BCAS3: variants seen among roughly 807,000 people sequenced by gnomAD.
BCAS3 encodes BCAS4/BCAS3 fusion.
A neutral mutation model predicts 116.1 loss-of-function variants in BCAS3; 53 were observed. The observed-to-expected ratio is 0.46, with a 90% CI of 0.37 to 0.57. The LOEUF is 0.57. Among genes scored for constraint, BCAS3 ranks in the 20% least tolerant of loss-of-function variants. The pLI is 0.00. For synonymous variants in BCAS3, 391 were observed against 408.2 expected (o/e 0.96, Z 0.51); for missense variants, 917 against 1,165.4 (o/e 0.79, Z 3.10).
intron 6 of BCAS3, among the ~76,000 whole-genome samples, chr17:60,764,397 C>A (rs141455918): frequency 4.1e-3 from 617 of 152,274 alleles, no homozygotes; most frequent in Admixed American, 6.9e-3. Flanking sequence ...TATGTTGTGT[C>A]TTTGTTCTCA....
chr17:60,973,649 G>C (rs1010132137), intron 14 of BCAS3, among the ~76,000 whole-genome samples: 2 of 150,620 alleles, frequency 1.3e-5, no homozygotes, highest in African/African-American at 4.9e-5. Flanking sequence ...CTGGAGGTCA[G>C]TGGTGTAATC....
chr17:61,260,680 T>C (rs1166623484), intron 22 of BCAS3, among the ~76,000 whole-genome samples: 1 of 152,226 alleles, frequency 6.6e-6, no homozygotes, highest in East Asian at 1.9e-4. Flanking sequence ...GTCAGACAAC[T>C]GCAGCAGACT....
chr17:61,372,946 T>C (rs2059123320), intron 23 of BCAS3, among the ~76,000 whole-genome samples: 1 of 152,240 alleles, frequency 6.6e-6, no homozygotes, highest in Admixed American at 6.5e-5. Flanking sequence ...TAAACACCTG[T>C]GTACATATTA....
At chr17:60,687,033 C>T (rs947121378) in intron 3 of BCAS3, among the ~76,000 whole-genome samples, 3 of 152,096 alleles carry the variant, frequency 2.0e-5, no homozygotes, top group African/African-American at 4.8e-5. Flanking sequence ...AAATTATTTT[C>T]TCTATAGTGA....
At chr17:61,375,794 G>A (rs9899196) in intron 23 of BCAS3, among the ~76,000 whole-genome samples, 130,189 of 151,974 alleles carry the variant, frequency 0.86, 56,837 homozygotes, top group Non-Finnish European at 0.94. Context: ...GCTGATCTCA[G>A]ACTCCTGACC....
intron 23 of BCAS3, among the ~76,000 whole-genome samples, chr17:61,374,738 C>G (rs888607157): frequency 6.6e-6 from 1 of 152,232 alleles, no homozygotes; most frequent in African/African-American, 2.4e-5. Context: ...ACTTCCTGAC[C>G]TAGTTCACCC....
chr17:60,747,406 C>G (rs2042101891), intron 6 of BCAS3, 127 bp downstream of exon 6: 5 of 697,490 alleles, frequency 7.2e-6, no homozygotes, highest in Non-Finnish European at 9.7e-6. Context: ...CCTTCCCCAC[C>G]TCCCCCAAAG....
intron 22 of BCAS3, among the ~76,000 whole-genome samples, chr17:61,138,593 T>C (rs1277125403): frequency 6.6e-6 from 1 of 152,218 alleles, no homozygotes; most frequent in African/African-American, 2.4e-5. Flanking sequence ...CAAAATAAAT[T>C]ATCCATTTAG....
intron 7 of BCAS3, chr17:60,811,520 T>TTA: frequency 6.7e-6 from 2 of 297,960 alleles, no homozygotes; most frequent in African/African-American, 4.9e-5. Flanking sequence ...AGTTCAGAGG[T>TTA]AAAAAAAAAA....
At chr17:60,863,574 C>G (rs1187697538) in intron 7 of BCAS3, among the ~76,000 whole-genome samples, 2 of 151,444 alleles carry the variant, frequency 1.3e-5, no homozygotes, top group Non-Finnish European at 2.9e-5. Flanking sequence ...AAGCAAGGCA[C>G]TGTCTAAAAA....
At chr17:61,045,823 T>TCTCTCTCTCTCTCTCTCTC (rs2068003623) in intron 19 of BCAS3, among the ~76,000 whole-genome samples, 1 of 34,624 alleles carries the variant, frequency 2.9e-5, no homozygotes, top group Non-Finnish European at 4.2e-5. Context: ...TCATCTCTCT[T>TCTCTCTCTCTCTCTCTCTC]TCTCTCTCTC....
At chr17:60,971,505 T>C (rs993251031) in intron 14 of BCAS3, among the ~76,000 whole-genome samples, 1 of 152,204 alleles carries the variant, frequency 6.6e-6, no homozygotes. Context: ...TGCATTATTC[T>C]ATCATGCTGG....
chr17:61,092,574 T>C (rs2073664566), intron 22 of BCAS3, among the ~76,000 whole-genome samples: 1 of 152,208 alleles, frequency 6.6e-6, no homozygotes, highest in South Asian at 2.1e-4. Flanking sequence ...CCAGTGGATG[T>C]GAACTATGGT....
At chr17:60,742,199 CAA>C (rs2041620488) in intron 5 of BCAS3, among the ~76,000 whole-genome samples, 1 of 152,084 alleles carries the variant, frequency 6.6e-6, no homozygotes, top group Non-Finnish European at 1.5e-5. Context: ...CTCTACCAGA[CAA>C]AATTCATTTG....
Position 61,388,930 on chromosome 17 carries a change from A to G in BCAS3, c.2594-3047A>G. 1 of 544,766 alleles carries G rather than the reference A, an allele frequency of 1.8e-6. No individual in the cohort carries two copies. The highest frequency in any genetic ancestry group is 3.3e-6 in the Non-Finnish European group (1 of 306,754). 33.7% of individuals were successfully genotyped at this position (544,766 alleles called of 1,614,324 possible). On this transcript the variant is annotated intron_variant, in intron 23 of 23. Transcript: ENST00000407086. This position sits in a 1 kb window ranked among gnomAD's most constrained non-coding sequence, Gnocchi z 6.5. ...CGATTCTTTCAGTTAGTCTGTGTTG[A>G]AGAATGGGCCCCCACCTCCCCTTAC...
At chr17:61,116,418 C>A (rs568883143) in intron 22 of BCAS3, among the ~76,000 whole-genome samples, 1 of 152,200 alleles carries the variant, frequency 6.6e-6, no homozygotes, top group East Asian at 1.9e-4. Flanking sequence ...GTTTATGTCC[C>A]TTTACCATCC....
chr17:60,996,924 A>T (rs2063875961), intron 15 of BCAS3, among the ~76,000 whole-genome samples: 1 of 152,218 alleles, frequency 6.6e-6, no homozygotes, highest in Non-Finnish European at 1.5e-5. Flanking sequence ...GAGAAAAATA[A>T]GACTATTAAA....
intron 9 of BCAS3, among the ~76,000 whole-genome samples, chr17:60,875,038 G>A (rs1001079156): frequency 2.0e-5 from 3 of 152,022 alleles, no homozygotes; most frequent in African/African-American, 7.2e-5. Context: ...TACTTTCAAA[G>A]CAGTTGTTAA....
intron 22 of BCAS3, among the ~76,000 whole-genome samples, chr17:61,101,077 C>A (rs1463025725): frequency 6.6e-6 from 1 of 151,998 alleles, no homozygotes; most frequent in Non-Finnish European, 1.5e-5. Context: ...TATATTTATT[C>A]TTTTTATCAT....
Sources: allele counts gnomAD v4.1 joint callset (sites outside exome capture counted in the v4.1 genomes callset), GRCh38; gene constraint gnomAD v4.1.1; non-coding constraint Gnocchi (gnomAD v3.1); transcripts MANE v1.5; gene names NCBI Gene and HGNC (gene_info 2026-07-23, HGNC 2026-07-21).